EYS: variants seen among roughly 807,000 people sequenced by gnomAD.
EYS encodes the protein protein eyes shut homolog.
A neutral mutation model predicts 282.1 loss-of-function variants in EYS; 250 were observed. The observed-to-expected ratio is 0.89, with a 90% CI of 0.80 to 0.98. EYS has a LOEUF of 0.98. Among genes scored for constraint, EYS ranks in the 50% least tolerant of loss-of-function variants. The pLI is 0.00. For missense variants in EYS, 4,016 were observed against 3,709.0 expected, an observed-to-expected ratio of 1.08 and a Z score of -2.15; for synonymous variants, 1,355 against 1,282.9, an observed-to-expected ratio of 1.06 and a Z score of -1.20.
chr6:65,368,117 T>TA (rs946300106), intron 8 of EYS, among the ~76,000 whole-genome samples: 6 of 150,926 alleles, frequency 4.0e-5, no homozygotes, highest in South Asian at 4.2e-4. Flanking sequence ...AAAAGCTCCT[T>TA]AAAAAAAACC....
chr6:63,732,334 A>G (rs1768802328), intron 41 of EYS, among the ~76,000 whole-genome samples: 1 of 152,116 alleles, frequency 6.6e-6, no homozygotes, highest in Non-Finnish European at 1.5e-5. Flanking sequence ...ATAGCTTATT[A>G]TTTGATTAAG....
At chr6:64,125,154 G>GCGCGCGCGCTCTCTCTCTCTCTCTC (rs1773724746) in intron 31 of EYS, among the ~76,000 whole-genome samples, 3 of 145,332 alleles carry the variant, frequency 2.1e-5, no homozygotes, top group African/African-American at 7.8e-5. Context: ...CACACTCTCT[G>GCGCGCGCGCTCTCTCTCTCTCTCTC]TCTCTCTCTC....
intron 12 of EYS, among the ~76,000 whole-genome samples, chr6:65,255,555 T>C (rs1474037515): frequency 6.6e-6 from 1 of 151,630 alleles, no homozygotes; most frequent in Non-Finnish European, 1.5e-5. Context: ...AAGGAAACAA[T>C]CAACTAAGTG....
intron 26 of EYS, among the ~76,000 whole-genome samples, chr6:64,535,401 A>G (rs1396702840): frequency 6.6e-6 from 1 of 152,116 alleles, no homozygotes; most frequent in Non-Finnish European, 1.5e-5. Flanking sequence ...TGTATTTAGG[A>G]TACTAAGTTG....
chr6:65,407,811 T>G (rs1377325670), intron 5 of EYS, among the ~76,000 whole-genome samples: 1 of 150,498 alleles, frequency 6.6e-6, no homozygotes, highest in Non-Finnish European at 1.5e-5. Context: ...GCCTGGAACT[T>G]CCTATGTTCC....
chr6:65,167,976 T>TAAAAAGGAAGGTA, intron 12 of EYS, among the ~76,000 whole-genome samples: 1 of 151,330 alleles, frequency 6.6e-6, no homozygotes, highest in Non-Finnish European at 1.5e-5. Flanking sequence ...TTTTTACAGC[T>TAAAAAGGAAGGTA]TGTCAATCTT....
intron 13 of EYS, among the ~76,000 whole-genome samples, chr6:65,004,500 C>CAA (rs1771575193): frequency 6.8e-6 from 1 of 147,728 alleles, no homozygotes; most frequent in Non-Finnish European, 1.5e-5. Flanking sequence ...GAACTGCACT[C>CAA]ATTGACATTG....
At chr6:65,180,154 G>A (rs1163006508) in intron 12 of EYS, among the ~76,000 whole-genome samples, 2 of 152,102 alleles carry the variant, frequency 1.3e-5, no homozygotes, top group African/African-American at 2.4e-5. Context: ...ACAAGACAGG[G>A]CTGCCCTCTC....
Position 64,590,516 on chromosome 6 carries a change from A to G in EYS, c.5351T>C (p.Phe1784Ser). ...LPPLTGSVPDFSEVTTNVAFY... is the reference protein window; with the variant it reads ...LPPLTGSVPDSSEVTTNVAFY... ...TGCAACATTGGTGGTGACTTCTGAA[A>G]AATCAGGCACTGAGCCTGTCAATGG... Residue 1784 changes from phenylalanine to serine, a missense_variant, in exon 26 of 43, where the codon TTT (phenylalanine) becomes TCT (serine). Coordinates refer to ENST00000503581, the MANE Select transcript of EYS (RefSeq NM_001142800.2). The G allele has an allele frequency of 1.3e-6, 2 of 1,551,460 alleles. No homozygotes were observed. The highest frequency in any genetic ancestry group is 1.7e-6 in the Non-Finnish European group (2 of 1,146,810).
At chr6:63,806,158 A>G (rs1390975807) in intron 37 of EYS, 32 bp downstream of exon 37, 3 of 1,520,032 alleles carry the variant, frequency 2.0e-6, no homozygotes, top group Non-Finnish European at 2.7e-6. Context: ...TAAAGGAGCG[A>G]GGCAAGTCCT....
chr6:63,910,370 T>C (rs971721919), intron 35 of EYS, among the ~76,000 whole-genome samples: 14 of 152,192 alleles, frequency 9.2e-5, no homozygotes, highest in Non-Finnish European at 1.8e-4. Context: ...TTAATGACTA[T>C]GTAATCAGAC....
chr6:64,642,911 T>C (rs1405142257), intron 22 of EYS, among the ~76,000 whole-genome samples: 2 of 151,958 alleles, frequency 1.3e-5, no homozygotes, highest in South Asian at 2.1e-4. Flanking sequence ...AGGTCAGGAG[T>C]TCGAGACCAG....
intron 12 of EYS, among the ~76,000 whole-genome samples, chr6:65,099,567 G>A (rs1038339758): frequency 4.0e-5 from 6 of 150,450 alleles, no homozygotes; most frequent in African/African-American, 7.3e-5. Flanking sequence ...AACAACATGG[G>A]GATGAACACT....
At chr6:64,154,086 T>C (rs979914538) in intron 31 of EYS, among the ~76,000 whole-genome samples, 1 of 152,168 alleles carries the variant, frequency 6.6e-6, no homozygotes, top group Non-Finnish European at 1.5e-5. Context: ...TAATAACTTA[T>C]AAAGTAATAA....
intron 22 of EYS, among the ~76,000 whole-genome samples, chr6:64,673,901 A>T (rs62418018): frequency 0.11 from 16,020 of 152,146 alleles, 1,000 homozygotes; most frequent in East Asian, 0.16. Flanking sequence ...TGTTTTAAAT[A>T]AAATCAGCAT....
Position 65,673,805 on chromosome 6 carries a change from G to A in EYS, c.-448+33330C>T, listed in dbSNP as rs62407744. Among the ~76,000 whole-genome samples the A allele has an allele frequency of 7.7e-3, 1,172 of 152,088 alleles. 8 individuals carry two copies. Among genetic ancestry groups the A allele is most frequent in the South Asian group, 0.026 (124 of 4,824 alleles). Reference sequence around the variant, plus strand: ...GTCTTACAGAAGGGAAGATATAACCGCGGTGGCCTTTTCAGACCCTGTGGG... The same window carrying A: ...GTCTTACAGAAGGGAAGATATAACCACGGTGGCCTTTTCAGACCCTGTGGG... On this transcript the variant is annotated intron_variant, in intron 1 of 42. Transcript: ENST00000503581.
In EYS at chr6:63,942,504, C is replaced by T. The variant is rs114509248; in HGVS notation, c.7055+41879G>A. On this transcript the variant is annotated intron_variant, in intron 35 of 42. Transcript: ENST00000503581. Reference sequence around the variant, plus strand: ...GAAGACAACTTGGTGGAGATGTGTGCTTCCAATCAGTGGCAGACGATGAGG... The same window carrying T: ...GAAGACAACTTGGTGGAGATGTGTGTTTCCAATCAGTGGCAGACGATGAGG... Among the ~76,000 whole-genome samples, 407 of 152,242 alleles carry T rather than the reference C, an allele frequency of 2.7e-3. 2 individuals are homozygous for T. The highest frequency in any genetic ancestry group is 9.4e-3 in the African/African-American group (389 of 41,546).
intron 8 of EYS, among the ~76,000 whole-genome samples, chr6:65,371,023 A>T (rs1282188347): frequency 6.6e-6 from 1 of 151,764 alleles, no homozygotes; most frequent in Non-Finnish European, 1.5e-5. Flanking sequence ...CAGAAAGTGG[A>T]GATGACACAT....
In EYS at chr6:64,609,386, A is replaced by C. The variant is rs116098448; in HGVS notation, c.3684+8032T>G. Among the ~76,000 whole-genome samples the C allele has an allele frequency of 6.2e-3, 943 of 152,292 alleles. 6 individuals are homozygous for C. Among genetic ancestry groups the C allele is most frequent in the Non-Finnish European group, 0.011 (743 of 68,016 alleles). On this transcript the variant is annotated intron_variant, in intron 24 of 42. Transcript: ENST00000503581. ...AAGTGTAGCATGTGCAAAGACACACAGCCAGAATTTTGAAGGGAATATTTG... is the reference window on the plus strand; with the variant it reads ...AAGTGTAGCATGTGCAAAGACACACCGCCAGAATTTTGAAGGGAATATTTG...
Sources: gnomAD v4.1 joint callset for allele counts (sites outside exome capture counted in the v4.1 genomes callset) on GRCh38, gnomAD v4.1.1 for gene constraint, MANE v1.5 for transcripts, NCBI Gene and HGNC (gene_info 2026-07-23, HGNC 2026-07-21) for gene names.